JMJD1C: variants seen among roughly 807,000 people sequenced by gnomAD.
JMJD1C encodes the protein jumonji domain-containing protein 1C.
In JMJD1C, 31 loss-of-function variants were observed where a neutral mutation model predicts 245.3. That is an observed-to-expected ratio of 0.13 (90% CI 0.09 to 0.17). JMJD1C has a LOEUF of 0.17. Among genes scored for constraint, JMJD1C ranks in the 10% least tolerant of loss-of-function variants. The pLI is 1.00. For synonymous variants in JMJD1C, 1,057 were observed against 1,017.4 expected, an observed-to-expected ratio of 1.04 and a Z score of -0.74; for missense variants, 2,691 against 3,000.2, an observed-to-expected ratio of 0.90 and a Z score of 2.41.
intron 2 of JMJD1C, among the ~76,000 whole-genome samples, chr10:63,273,546 C>T (rs925758596): frequency 2.0e-5 from 3 of 152,176 alleles, no homozygotes; most frequent in Non-Finnish European, 4.4e-5. Context: ...AATGGTAGAT[C>T]CCACCTTTCA....
At chr10:63,510,150 C>A (rs554515512) in intron 1 of JMJD1C, among the ~76,000 whole-genome samples, 5 of 151,878 alleles carry the variant, frequency 3.3e-5, no homozygotes, top group East Asian at 3.9e-4. Context: ...ACTACAGGCA[C>A]CCACCACCAC....
intron 1 of JMJD1C, among the ~76,000 whole-genome samples, chr10:63,515,083 T>C (rs900158472): frequency 1.3e-5 from 2 of 152,182 alleles, no homozygotes; most frequent in Non-Finnish European, 2.9e-5. Flanking sequence ...GACTGTGACC[T>C]TCCACCAGCA....
chr10:63,202,459 G>A, intron 10 of JMJD1C: 1 of 985,350 alleles, frequency 1.0e-6, no homozygotes, highest in Non-Finnish European at 1.2e-6. Context: ...GTGGATCAGA[G>A]GTACAGCTAT....
intron 13 of JMJD1C, among the ~76,000 whole-genome samples, chr10:63,195,882 T>C (rs1212129769): frequency 4.6e-5 from 7 of 152,076 alleles, no homozygotes; most frequent in Non-Finnish European, 7.3e-5. Flanking sequence ...TGAGCCGAGA[T>C]TGCGCCACTG....
chr10:63,415,112 C>CA (rs1949724997), intron 1 of JMJD1C, among the ~76,000 whole-genome samples: 1 of 152,116 alleles, frequency 6.6e-6, no homozygotes, highest in Admixed American at 6.6e-5. Flanking sequence ...TAAATGTTAA[C>CA]AGTATGACTT....
chr10:63,262,242 A>AAAAC (rs1413229021), intron 3 of JMJD1C, among the ~76,000 whole-genome samples: 2 of 152,210 alleles, frequency 1.3e-5, no homozygotes, highest in East Asian at 3.8e-4. Flanking sequence ...AACTGGTTAG[A>AAAAC]AAACAATCAA....
At chr10:63,194,659 T>C in intron 13 of JMJD1C, 1 of 296,092 alleles carries the variant, frequency 3.4e-6, no homozygotes, top group East Asian at 6.5e-5. Flanking sequence ...CCAGTCATTA[T>C]TATTAGTGAC....
intron 1 of JMJD1C, among the ~76,000 whole-genome samples, chr10:63,490,096 C>T (rs563922089): frequency 4.6e-5 from 7 of 152,304 alleles, no homozygotes; most frequent in Admixed American, 6.5e-5. Flanking sequence ...TATTCACCCA[C>T]CCCAGTCCTT....
chr10:63,469,646 A>G (rs1232112281), upstream of JMJD1C, among the ~76,000 whole-genome samples: 7 of 152,172 alleles, frequency 4.6e-5, no homozygotes, highest in Admixed American at 4.6e-4. Flanking sequence ...TGGTTTATTT[A>G]ATTAAGGAAC....
chr10:63,331,379 A>T (rs1564796158), intron 2 of JMJD1C, among the ~76,000 whole-genome samples: 1 of 152,224 alleles, frequency 6.6e-6, no homozygotes, highest in Non-Finnish European at 1.5e-5. Context: ...CTACAAAATT[A>T]TATGTGAAAC....
At chr10:63,514,803 T>TA (rs1393696841) in intron 1 of JMJD1C, among the ~76,000 whole-genome samples, 2 of 152,118 alleles carry the variant, frequency 1.3e-5, no homozygotes, top group East Asian at 1.9e-4. Context: ...TAAAAATACG[T>TA]AAAAAAATTT....
rs189995768 is a variant in JMJD1C at position 63,458,501 on chromosome 10, C to G, written c.168+6994G>C. Among the ~76,000 whole-genome samples the G allele has an allele frequency of 9.4e-4, 142 of 151,388 alleles. 1 individual carries two copies. The highest frequency in any genetic ancestry group is 3.1e-3 in the African/African-American group (128 of 41,306). On this transcript the variant is annotated intron_variant, in intron 1 of 25. Coordinates refer to ENST00000399262, the MANE Select transcript of JMJD1C (RefSeq NM_032776.3). ...CCTGTCTTTAAAAAAAAAAAAAAGT[C>G]TGCTAAAATCCACACTGGAAAAACT...
chr10:63,476,971 A>C (rs1953681241), intron 1 of JMJD1C, among the ~76,000 whole-genome samples: 1 of 152,156 alleles, frequency 6.6e-6, no homozygotes, highest in African/African-American at 2.4e-5. Flanking sequence ...GAAGGATAAA[A>C]GAGAAAGTAT....
chr10:63,173,690 C>G (rs995586593), intron 24 of JMJD1C, among the ~76,000 whole-genome samples: 1 of 151,762 alleles, frequency 6.6e-6, no homozygotes, highest in Non-Finnish European at 1.5e-5. Flanking sequence ...CCACTGCACT[C>G]TAACCTGGGC....
chr10:63,399,374 A>G (rs1385417205), intron 1 of JMJD1C, among the ~76,000 whole-genome samples: 1 of 152,168 alleles, frequency 6.6e-6, no homozygotes, highest in Non-Finnish European at 1.5e-5. Flanking sequence ...TGCGGGAAAC[A>G]GTGTTCAGAA....
At chr10:63,504,327 T>C (rs1589835789) in intron 1 of JMJD1C, among the ~76,000 whole-genome samples, 1 of 152,268 alleles carries the variant, frequency 6.6e-6, no homozygotes, top group East Asian at 1.9e-4. Flanking sequence ...TTAAGTACAA[T>C]GCAGAGAACT....
At chr10:63,326,363 G>A (rs1206932587) in intron 2 of JMJD1C, among the ~76,000 whole-genome samples, 1 of 150,320 alleles carries the variant, frequency 6.7e-6, no homozygotes, top group Non-Finnish European at 1.5e-5. Context: ...CTGGGAGACA[G>A]AGCGCAATTC....
intron 2 of JMJD1C, among the ~76,000 whole-genome samples, chr10:63,376,650 A>G (rs948965065): frequency 2.6e-5 from 4 of 152,218 alleles, no homozygotes; most frequent in African/African-American, 9.6e-5. Flanking sequence ...AGACATACAA[A>G]TGGCCAAGAA....
At chr10:63,314,901 G>A (rs1415015871) in intron 2 of JMJD1C, among the ~76,000 whole-genome samples, 4 of 151,190 alleles carry the variant, frequency 2.6e-5, no homozygotes, top group Non-Finnish European at 4.4e-5. Context: ...TGCCTGCCTC[G>A]GCCTCCCAAA....
Sources: allele counts gnomAD v4.1 joint callset (sites outside exome capture counted in the v4.1 genomes callset), GRCh38; gene constraint gnomAD v4.1.1; transcripts MANE v1.5; gene names NCBI Gene and HGNC (gene_info 2026-07-23, HGNC 2026-07-21).